Variants in ANOS1 observed in about 807,000 individuals in gnomAD.
ANOS1 encodes anosmin 1, also known as anosmin-1.
In ANOS1, 6 loss-of-function variants were observed where a neutral mutation model predicts 59.0. The ratio of observed to expected loss-of-function variants is 0.10; its 90% CI spans 0.06 to 0.20. The LOEUF is 0.20. ANOS1 is among the 10% of genes least tolerant of loss of function. ANOS1 has a pLI of 1.00. For missense variants in ANOS1, 433 were observed against 542.3 expected (o/e 0.80, Z 2.00); for synonymous variants, 217 against 223.4 (o/e 0.97, Z 0.25).
At chrX:8,590,498 T>C (rs1245159720) in intron 4 of ANOS1, among the ~76,000 whole-genome samples, 1 of 111,720 alleles carries the variant, frequency 9.0e-6, no homozygotes, top group Non-Finnish European at 1.9e-5. Context: ...TTTATTCTTT[T>C]GCCCCCCTTC....
At chrX:8,638,465 C>T (rs1473616967) in intron 2 of ANOS1, among the ~76,000 whole-genome samples, 1 of 112,074 alleles carries the variant, frequency 8.9e-6, no homozygotes, top group Non-Finnish European at 1.9e-5. Context: ...GCATCAAACA[C>T]ACAGTCTGCA....
chrX:8,727,522 C>T (rs1932930323), intron 1 of ANOS1, among the ~76,000 whole-genome samples: 2 of 112,543 alleles, frequency 1.8e-5, no homozygotes, highest in Admixed American at 1.9e-4. Context: ...GAGGAGGATG[C>T]AATAAACCTG....
At chrX:8,703,313 T>C (rs971642165) in intron 1 of ANOS1, among the ~76,000 whole-genome samples, 1 of 112,226 alleles carries the variant, frequency 8.9e-6, no homozygotes. Context: ...AACTGTTGCC[T>C]GGGGTTCCAA....
chrX:8,572,978 A>G (rs777843878), intron 6 of ANOS1, among the ~76,000 whole-genome samples: 18 of 110,642 alleles, frequency 1.6e-4, no homozygotes, highest in Non-Finnish European at 3.2e-4. Flanking sequence ...CCAGTCATCA[A>G]TATTCACAAC....
At chrX:8,694,492 A>G (rs1237479329) in intron 2 of ANOS1, among the ~76,000 whole-genome samples, 1 of 111,648 alleles carries the variant, frequency 9.0e-6, no homozygotes, top group Non-Finnish European at 1.9e-5. Context: ...AACATGGAGA[A>G]ACCCTGTCTC....
At chrX:8,671,022 T>G (rs1399791143) in intron 2 of ANOS1, among the ~76,000 whole-genome samples, 1 of 111,581 alleles carries the variant, frequency 9.0e-6, no homozygotes, top group East Asian at 2.8e-4. Context: ...CCACCTCTTC[T>G]GTCTAAATTA....
intron 1 of ANOS1, among the ~76,000 whole-genome samples, chrX:8,728,684 A>G (rs994678183): frequency 5.4e-5 from 6 of 112,125 alleles, no homozygotes; most frequent in Non-Finnish European, 1.1e-4. Flanking sequence ...AGATACTAAT[A>G]TTTCAGGAGG....
intron 3 of ANOS1, among the ~76,000 whole-genome samples, chrX:8,609,118 C>T (rs1008040071): frequency 9.0e-6 from 1 of 111,724 alleles, no homozygotes; most frequent in South Asian, 3.7e-4. Context: ...ATTTTTGTTC[C>T]TCACAACTGG....
At chrX:8,674,605 A>T (rs1362542027) in intron 2 of ANOS1, among the ~76,000 whole-genome samples, 1 of 112,404 alleles carries the variant, frequency 8.9e-6, no homozygotes, top group African/African-American at 3.2e-5. Flanking sequence ...CTTAAAAAAA[A>T]TTGCAAAAAA....
chrX:8,570,797 C>T, intron 6 of ANOS1, 93 bp from the exon 7 acceptor site: 3 of 848,471 alleles, frequency 3.5e-6, no homozygotes, highest in South Asian at 2.1e-5. Context: ...TGAAGCATTG[C>T]TTTTTATAGA....
chrX:8,646,521 A>T (rs755535561), intron 2 of ANOS1, among the ~76,000 whole-genome samples: 1 of 111,186 alleles, frequency 9.0e-6, no homozygotes, highest in East Asian at 2.8e-4. Flanking sequence ...CTCATTTTCC[A>T]TCTTTTCATG....
intron 2 of ANOS1, among the ~76,000 whole-genome samples, chrX:8,666,399 C>G (rs992355751): frequency 9.0e-6 from 1 of 111,412 alleles, no homozygotes; most frequent in East Asian, 2.8e-4. Flanking sequence ...ATCAATTCAA[C>G]AACTCCCCAA....
intron 3 of ANOS1, among the ~76,000 whole-genome samples, chrX:8,614,910 A>AAATTTTTTATATT (rs1931139181): frequency 2.7e-5 from 3 of 110,759 alleles, no homozygotes; most frequent in Non-Finnish European, 3.8e-5. Context: ...AAATATAAAA[A>AAATTTTTTATATT]TTGAGTCTCA....
chrX:8,670,236 G>A lies in ANOS1; in HGVS notation c.255+29462C>T, dbSNP rs1323588634. Among the ~76,000 whole-genome samples, 8 of 111,001 alleles carry A rather than the reference G, an allele frequency of 7.2e-5. No individual in the cohort carries two copies. The Admixed American group carries it at 7.7e-4, about 11-fold the overall frequency. The stretch of plus-strand genomic sequence containing the variant: ...TTTATAAAGTATCTATCAGCATAGT[G>A]CCTAAGATGTACCAGAACATTTACA... On this transcript the variant is annotated intron_variant, in intron 2 of 13. Coordinates refer to ENST00000262648, the MANE Select transcript of ANOS1 (RefSeq NM_000216.4).
chrX:8,556,506 C>CTA (rs1366163500), intron 8 of ANOS1, among the ~76,000 whole-genome samples: 1 of 111,637 alleles, frequency 9.0e-6, no homozygotes, highest in Non-Finnish European at 1.9e-5. Context: ...AATCAATGTG[C>CTA]AAAAATCACA....
rs73199009 is a variant in ANOS1, at chrX:8,578,630, C to T, written c.856+6637G>A. The stretch of plus-strand genomic sequence containing the variant: ...CTTTTCCTTTGTAATGTATCCTATG[C>T]ACATGGAGAAATAAGGAGAAAAAGA... On this transcript the variant is annotated intron_variant, in intron 6 of 13. Coordinates refer to ENST00000262648, the MANE Select transcript of ANOS1 (RefSeq NM_000216.4). Among the ~76,000 whole-genome samples, 546 of 111,723 alleles carry T rather than the reference C, an allele frequency of 4.9e-3. 3 individuals are homozygous for T. Among genetic ancestry groups the T allele is most frequent in the Non-Finnish European group, 6.9e-3 (367 of 53,179 alleles).
intron 8 of ANOS1, chrX:8,565,706 A>T (rs1930098977): frequency 8.9e-6 from 1 of 112,301 alleles, no homozygotes; most frequent in African/African-American, 3.2e-5. Context: ...ATGAAGAATG[A>T]CTTCTGCATG....
intron 2 of ANOS1, among the ~76,000 whole-genome samples, chrX:8,668,023 G>T (rs1218773461): frequency 9.0e-6 from 1 of 110,672 alleles, no homozygotes; most frequent in African/African-American, 3.3e-5. Flanking sequence ...CGTATTTAAG[G>T]TATTTTTAAA....
rs1044734005 is a variant in ANOS1 at position 8,570,701 on chromosome X, G to A, written c.860C>T (p.Pro287Leu). The A allele has an allele frequency of 8.3e-7, 1 of 1,208,799 alleles. No individual in the cohort carries two copies. Among genetic ancestry groups the A allele is most frequent in the Non-Finnish European group, 1.1e-6 (1 of 893,438 alleles). ...PSKHFRSSKD[P>L]SAPPAPANLR... ...GTTAGCCGGTGCTGGTGGGGCAGAT[G>A]GATCTGAAATCCCAGTACAAAGACA... The change falls in exon 7 of 14, where the codon CCA (proline) becomes CTA (leucine). Residue 287 changes from proline (P) to leucine (L), a missense_variant. Coordinates refer to ENST00000262648, the MANE Select transcript of ANOS1 (RefSeq NM_000216.4).
Sources: allele counts gnomAD v4.1 joint callset (sites outside exome capture counted in the v4.1 genomes callset), GRCh38; gene constraint gnomAD v4.1.1; transcripts MANE v1.5; gene names NCBI Gene and HGNC (gene_info 2026-07-23, HGNC 2026-07-21).